The following ZBED4 variants were observed in gnomAD, a reference collection of about 807,000 sequenced individuals.
The protein encoded by ZBED4 is zinc finger BED domain-containing protein 4.
Under a neutral mutation model 15.5 loss-of-function variants are expected in ZBED4, and 4 were observed. The observed-to-expected ratio is 0.26, with a 90% confidence interval of 0.13 to 0.59. The LOEUF is 0.59. Among genes scored for constraint, ZBED4 ranks in the 20% least tolerant of loss-of-function variants. ZBED4 has a pLI of 0.90. For missense variants in ZBED4, 1,323 were observed against 1,461.8 expected (o/e 0.91, Z 1.55); for synonymous variants, 692 against 608.5 (o/e 1.14, Z -2.02).
At chr22:49,859,233 T>A (rs1000605752) in intron 1 of ZBED4, among the ~76,000 whole-genome samples, 8 of 152,234 alleles carry the variant, frequency 5.3e-5, no homozygotes, top group Admixed American at 6.5e-5. Context: ...GTTCTTTCTC[T>A]TTATTACCAA....
chr22:49,857,041 C>T (rs1601779898), intron 1 of ZBED4, among the ~76,000 whole-genome samples: 1 of 152,172 alleles, frequency 6.6e-6, no homozygotes, highest in South Asian at 2.1e-4. Context: ...GAGGACCTGG[C>T]CCCCCGCCCT....
At chr22:49,865,987 C>T (rs1406423682) in intron 1 of ZBED4, among the ~76,000 whole-genome samples, 5 of 151,868 alleles carry the variant, frequency 3.3e-5, no homozygotes, top group South Asian at 2.1e-4. Flanking sequence ...TGATTATACG[C>T]GTGGGCCACT....
At chr22:49,856,638 C>T (rs1449059251) in intron 1 of ZBED4, among the ~76,000 whole-genome samples, 1 of 37,752 alleles carries the variant, frequency 2.6e-5, no homozygotes, top group Non-Finnish European at 1.3e-4. Context: ...GGAATCCCGG[C>T]CGGCTTCCCA....
intron 1 of ZBED4, among the ~76,000 whole-genome samples, chr22:49,857,226 A>C (rs2060278459): frequency 6.6e-6 from 1 of 152,160 alleles, no homozygotes; most frequent in Admixed American, 6.5e-5. Context: ...CATGCTCCAC[A>C]TCCTGTAAGT....
intron 1 of ZBED4, among the ~76,000 whole-genome samples, chr22:49,858,527 G>A (rs1165762643): frequency 6.6e-6 from 1 of 152,190 alleles, no homozygotes; most frequent in Non-Finnish European, 1.5e-5. Context: ...CTAACTTACA[G>A]AGTTGGCACT....
chr22:49,870,440 C>T (rs970774953), intron 1 of ZBED4, among the ~76,000 whole-genome samples: 1 of 152,184 alleles, frequency 6.6e-6, no homozygotes, highest in African/African-American at 2.4e-5. Context: ...GACATCCCTG[C>T]CAGCAGTGCT....
intron 1 of ZBED4, among the ~76,000 whole-genome samples, chr22:49,868,243 G>A (rs1390258281): frequency 6.6e-6 from 1 of 152,062 alleles, no homozygotes; most frequent in Non-Finnish European, 1.5e-5. Flanking sequence ...TGAGAGATTT[G>A]GGGAAACTAA....
chr22:49,871,668 C>CTGCTGACCAATCAGAGTGCAGAT (rs1336752313), intron 1 of ZBED4, among the ~76,000 whole-genome samples: 2 of 151,954 alleles, frequency 1.3e-5, no homozygotes, highest in East Asian at 1.9e-4. Flanking sequence ...GTGTCCAGGG[C>CTGCTGACCAATCAGAGTGCAGAT]TGCTGACCAA....
At position 49,889,013 on chromosome 22, in the gene ZBED4, T is replaced by C. The variant is rs1285169200; in HGVS notation, c.*1835T>C. On this transcript the variant is annotated 3_prime_UTR_variant, in exon 2 of 2. Coordinates refer to ENST00000216268, the MANE Select transcript of ZBED4 (RefSeq NM_014838.3). ...TGGAATGGTAATATCCTTAGAATTTTGGGATATTGAGCTTCATGGATTTTC... is the reference window on the plus strand; with the variant it reads ...TGGAATGGTAATATCCTTAGAATTTCGGGATATTGAGCTTCATGGATTTTC... 6.0e-6 allele frequency: 1 copy of C among 167,276 alleles called. No individual in the cohort carries two copies. Among genetic ancestry groups the C allele is most frequent in the Non-Finnish European group, 1.5e-5 (1 of 68,124 alleles). 10.4% of individuals were successfully genotyped at this position (167,276 alleles called of 1,614,324 possible).
chr22:49,861,495 C>A (rs1221823541), intron 1 of ZBED4, among the ~76,000 whole-genome samples: 5 of 151,638 alleles, frequency 3.3e-5, no homozygotes, highest in African/African-American at 1.2e-4. Context: ...GTGCAGTGGC[C>A]TGATCTTGGC....
At chr22:49,859,787 AG>A (rs1331813060) in intron 1 of ZBED4, among the ~76,000 whole-genome samples, 1 of 152,220 alleles carries the variant, frequency 6.6e-6, no homozygotes. Context: ...GCACTTTGGG[AG>A]GCTGAGGTGG....
intron 1 of ZBED4, among the ~76,000 whole-genome samples, chr22:49,857,945 G>T (rs961951147): frequency 2.0e-5 from 3 of 151,096 alleles, no homozygotes; most frequent in Admixed American, 6.6e-5. Context: ...TGCATTTTTA[G>T]TAGAGACGGG....
At chr22:49,862,316 T>C (rs902207766) in intron 1 of ZBED4, among the ~76,000 whole-genome samples, 2 of 152,244 alleles carry the variant, frequency 1.3e-5, no homozygotes, top group African/African-American at 4.8e-5. Context: ...ACTTTTTTGC[T>C]GAGACTGGAA....
Position 49,886,591 on chromosome 22 carries a change from G to A in ZBED4, c.2929G>A (p.Gly977Ser). 6.4e-7 allele frequency: 1 copy of A among 1,558,180 alleles called. No homozygotes were observed. The highest frequency in any genetic ancestry group is 8.7e-7 in the Non-Finnish European group (1 of 1,150,960). ...GGAGATGCTCTTCGAGGAGACGATGGGCATCGACACCATGCTGCGCTCTCT... is the reference window on the plus strand; with the variant it reads ...GGAGATGCTCTTCGAGGAGACGATGAGCATCGACACCATGCTGCGCTCTCT... ...KVEMLFEETMGIDTMLRSLKE... is the reference protein window; with the variant it reads ...KVEMLFEETMSIDTMLRSLKE... Residue 977 changes from glycine (G) to serine (S), a missense_variant, in exon 2 of 2, where the codon GGC becomes AGC. Gly to Ser is a moderately conservative substitution (Grantham distance 56). Transcript: ENST00000216268. This position sits in a 1 kb window ranked among gnomAD's most constrained non-coding sequence, Gnocchi z 7.7.
At chr22:49,871,258 G>T (rs963332637) in intron 1 of ZBED4, among the ~76,000 whole-genome samples, 2 of 129,854 alleles carry the variant, frequency 1.5e-5, no homozygotes, top group Admixed American at 1.6e-4. Context: ...GGAGGCCAAG[G>T]CAGGTGGATC....
intron 1 of ZBED4, among the ~76,000 whole-genome samples, chr22:49,869,520 G>A (rs1371760563): frequency 6.6e-6 from 1 of 152,166 alleles, no homozygotes; most frequent in East Asian, 1.9e-4. Context: ...ATTCCTCAGG[G>A]AATATTTGTA....
intron 1 of ZBED4, among the ~76,000 whole-genome samples, chr22:49,856,294 A>G (rs941111079): frequency 6.6e-6 from 1 of 152,240 alleles, no homozygotes; most frequent in African/African-American, 2.4e-5. Context: ...CCCTGGCCGT[A>G]GGGAACATGG....
chr22:49,880,475 A>G (rs1352298877), intron 1 of ZBED4, among the ~76,000 whole-genome samples: 2 of 152,190 alleles, frequency 1.3e-5, no homozygotes, highest in African/African-American at 4.8e-5. Flanking sequence ...GAAGCCTGGA[A>G]GCCCCGCCGT....
At chr22:49,863,172 G>GTGTT (rs1295869628) in intron 1 of ZBED4, among the ~76,000 whole-genome samples, 2 of 152,110 alleles carry the variant, frequency 1.3e-5, no homozygotes, top group East Asian at 1.9e-4. Context: ...CTTGTAGATT[G>GTGTT]TGTTTGGTTG....
Sources: gnomAD v4.1 joint callset for allele counts (sites outside exome capture counted in the v4.1 genomes callset) on GRCh38, gnomAD v4.1.1 for gene constraint, Gnocchi (gnomAD v3.1) non-coding constraint, MANE v1.5 for transcripts, NCBI Gene and HGNC (gene_info 2026-07-23, HGNC 2026-07-21) for gene names.